Variants in PAPSS2 observed in about 807,000 individuals in gnomAD.
PAPSS2 encodes bifunctional 3'-phosphoadenosine 5'-phosphosulfate synthase 2.
PAPSS2 carries 61 observed loss-of-function variants against 66.5 expected under a neutral mutation model. The observed-to-expected ratio is 0.92, with a 90% CI of 0.75 to 1.14. The LOEUF (loss-of-function observed/expected upper bound fraction) is 1.14, where lower values mean the gene tolerates loss of function less well. PAPSS2 is among the 50% of genes most tolerant of loss of function. PAPSS2 has a pLI of 0.00. For synonymous variants in PAPSS2, 289 were observed against 287.5 expected (o/e 1.01, Z -0.05); for missense variants, 708 against 789.6 (o/e 0.90, Z 1.24).
chr10:87,683,566 T>A (rs1225062885), intron 1 of PAPSS2, among the ~76,000 whole-genome samples: 1 of 152,254 alleles, frequency 6.6e-6, no homozygotes, highest in South Asian at 2.1e-4. Flanking sequence ...CTAGAAATGA[T>A]GATCCTGCAT....
intron 1 of PAPSS2, among the ~76,000 whole-genome samples, chr10:87,688,697 T>G (rs1853123343): frequency 6.6e-6 from 1 of 151,894 alleles, no homozygotes; most frequent in African/African-American, 2.4e-5. Context: ...GACCTCATGA[T>G]CCTCCCGCCT....
In PAPSS2 at chr10:87,717,179, A is replaced by C. The variant is rs748799291; in HGVS notation, c.865+1336A>C. Among the ~76,000 whole-genome samples, 34 of 152,238 alleles carry C rather than the reference A, an allele frequency of 2.2e-4. 1 individual carries two copies. Among genetic ancestry groups the C allele is most frequent in the Admixed American group, 5.9e-4 (9 of 15,282 alleles). Reference sequence around the variant, plus strand: ...TATCTTGGTGTCTTGATTTTGACACATGCTGAACACCGACTGCCTGAAGTA... The same window carrying C: ...TATCTTGGTGTCTTGATTTTGACACCTGCTGAACACCGACTGCCTGAAGTA... On this transcript the variant is annotated intron_variant, in intron 7 of 12. Coordinates refer to ENST00000456849, the MANE Select transcript of PAPSS2 (RefSeq NM_001015880.2).
chr10:87,686,510 C>T (rs1032394287), intron 1 of PAPSS2, among the ~76,000 whole-genome samples: 6 of 152,124 alleles, frequency 3.9e-5, no homozygotes, highest in Non-Finnish European at 5.9e-5. Context: ...CACACCCGCT[C>T]CTGGGATACT....
At chr10:87,743,974 C>T (rs1043610555) in intron 11 of PAPSS2, among the ~76,000 whole-genome samples, 2 of 152,034 alleles carry the variant, frequency 1.3e-5, no homozygotes, top group African/African-American at 4.8e-5. Context: ...TAGTGGCATG[C>T]CCCTGTAATC....
intron 1 of PAPSS2, among the ~76,000 whole-genome samples, chr10:87,667,309 C>T (rs1415476941): frequency 6.6e-6 from 1 of 151,962 alleles, no homozygotes. Context: ...AAAAAATTAG[C>T]CAAGTGTGGT....
At position 87,682,588 on chromosome 10, in the gene PAPSS2, T is replaced by G. The variant is rs1175209570; in HGVS notation, c.27+22580T>G. Reference sequence around the variant, plus strand: ...TAGAGAAAAGTTATGAAGCATGGCATCGAAAGAGGTTAGAAAAAAAAAATT... The same window carrying G: ...TAGAGAAAAGTTATGAAGCATGGCAGCGAAAGAGGTTAGAAAAAAAAAATT... On this transcript the variant is annotated intron_variant, in intron 1 of 12. Coordinates refer to ENST00000456849, the MANE Select transcript of PAPSS2 (RefSeq NM_001015880.2). Among the ~76,000 whole-genome samples the G allele has an allele frequency of 4.6e-5, 7 of 151,792 alleles. No homozygotes were observed. In the East Asian group the frequency reaches 1.3e-3, roughly 29 times the overall value.
intron 9 of PAPSS2, among the ~76,000 whole-genome samples, chr10:87,729,868 T>G (rs1853707088): frequency 6.6e-6 from 1 of 152,016 alleles, no homozygotes; most frequent in South Asian, 2.1e-4. Flanking sequence ...TGGTGGTGCA[T>G]GCCTGTAATC....
At chr10:87,704,318 A>T (rs1358803578) in intron 1 of PAPSS2, among the ~76,000 whole-genome samples, 1 of 152,244 alleles carries the variant, frequency 6.6e-6, no homozygotes, top group Non-Finnish European at 1.5e-5. Context: ...ATTAATTTTG[A>T]ACTGTTTTCG....
At chr10:87,671,729 G>A (rs1371053632) in intron 1 of PAPSS2, among the ~76,000 whole-genome samples, 2 of 152,138 alleles carry the variant, frequency 1.3e-5, no homozygotes, top group African/African-American at 4.8e-5. Context: ...CAGGGAGATT[G>A]TTTTATATAC....
rs1853524194 is a variant in PAPSS2, at chr10:87,715,744, T to G, written c.766T>G (p.Trp256Gly). ...SLSITKLDLQ[W>G]VQVLSEGWAT... ...TTGTGTTTTGCAGCTGGATCTCCAG[T>G]GGGTCCAGGTTTTGAGCGAAGGCTG... Residue 256 changes from tryptophan (W) to glycine (G), a missense_variant, in exon 7 of 13, where the codon TGG becomes GGG. Physicochemically the swap from Trp to Gly is radical, Grantham distance 184. Coordinates refer to ENST00000456849, the MANE Select transcript of PAPSS2 (RefSeq NM_001015880.2). 3.7e-6 allele frequency: 6 copies of G among 1,610,504 alleles called. No homozygotes were observed. The highest frequency in any genetic ancestry group is 4.2e-6 in the Non-Finnish European group (5 of 1,176,852).
rs1395668049 is a variant in PAPSS2, at chr10:87,745,193, C to G, written c.1683C>G (p.Asn561Lys). 7 of 1,613,864 alleles carry G rather than the reference C, an allele frequency of 4.3e-6. No homozygotes were observed. The highest frequency in any genetic ancestry group is 5.9e-6 in the Non-Finnish European group (7 of 1,179,888). Residue 561 changes from asparagine (N) to lysine (K), a missense_variant, in exon 12 of 13, where the codon AAC becomes AAG. Asn to Lys is a moderately conservative substitution (Grantham distance 94). Transcript: ENST00000456849. ...TTCCATTCCGAGTGGCTGCCTACAA[C>G]AAAGCCAAAAAAGCCATGGACTTCT... ...EIIPFRVAAY[N>K]KAKKAMDFYD... is the part of the protein sequence containing the mutation.
chr10:87,714,758 T>C lies in PAPSS2; in HGVS notation c.534T>C (p.Ile178=). The C allele has an allele frequency of 6.3e-7, 1 of 1,598,556 alleles. No homozygotes were observed. The highest frequency in any genetic ancestry group is 8.6e-7 in the Non-Finnish European group (1 of 1,165,928). Reference sequence around the variant, plus strand: ...TATGCTTTGCAGGATTTACAGGTATTGATTCTGATTATGAGAAACCTGAAA... The same window carrying C: ...TATGCTTTGCAGGATTTACAGGTATCGATTCTGATTATGAGAAACCTGAAA... The part of the protein sequence containing the change: ...RAGEIKGFTG[I]DSDYEKPETP... The change falls in exon 5 of 13, where the codon ATT becomes ATC. Residue 178 remains isoleucine (I), a synonymous_variant. Coordinates refer to ENST00000456849, the MANE Select transcript of PAPSS2 (RefSeq NM_001015880.2).
intron 1 of PAPSS2, among the ~76,000 whole-genome samples, chr10:87,670,664 T>G (rs149648816): frequency 3.3e-3 from 498 of 152,246 alleles, no homozygotes; most frequent in Middle Eastern, 0.01. Context: ...AGTCTTTTAC[T>G]GGAGAGGAGC....
At position 87,713,312 on chromosome 10, in the gene PAPSS2, TAAAAAAA is replaced by T. The variant is rs367885911; in HGVS notation, c.381+18_381+24del. 5.4e-4 allele frequency: 310 copies of T among 574,886 alleles called. No homozygotes were observed. The highest frequency in any genetic ancestry group is 2.1e-3 in the South Asian group (97 of 46,096). The allele number at this position is 574,886 out of a possible 1,614,324, so 35.6% of individuals were successfully genotyped here. On this transcript the variant is annotated splice_donor_5th_base_variant and intron_variant, in intron 3 of 12. Coordinates refer to ENST00000456849, the MANE Select transcript of PAPSS2 (RefSeq NM_001015880.2). ...AGCTTTATTTCTCCATTCGCAAAGGTAAAAAAAAAAAAAAAAAAAAAAGGCACTACAC... is the reference window on the plus strand; with the variant it reads ...AGCTTTATTTCTCCATTCGCAAAGGTAAAAAAAAAAAAAAAGGCACTACAC...
chr10:87,699,348 G>T (rs1853273823), intron 1 of PAPSS2, among the ~76,000 whole-genome samples: 1 of 152,204 alleles, frequency 6.6e-6, no homozygotes, highest in African/African-American at 2.4e-5. Context: ...GAGTGCAATG[G>T]TGCATTCATG....
chr10:87,732,811 ACTTGT>A (rs1853745866), intron 9 of PAPSS2, among the ~76,000 whole-genome samples: 1 of 152,070 alleles, frequency 6.6e-6, no homozygotes. Context: ...TGGTGGCATG[ACTTGT>A]GTCTTTGACA....
Position 87,746,992 on chromosome 10 carries a change from G to A in PAPSS2, c.*1022G>A, listed in dbSNP as rs919906056. 1 of 152,132 alleles carries A rather than the reference G, an allele frequency of 6.6e-6. No homozygotes were observed. Among genetic ancestry groups the A allele is most frequent in the African/African-American group, 2.4e-5 (1 of 41,432 alleles). 9.4% of individuals were successfully genotyped at this position (152,132 alleles called of 1,614,324 possible). On this transcript the variant is annotated 3_prime_UTR_variant, in exon 13 of 13. Transcript: ENST00000456849. The stretch of plus-strand genomic sequence containing the variant: ...AATTTGCCATTATTAGGAAGTGCTG[G>A]TGGCAGTGAAGAAGCACCCAGGCCA...
chr10:87,740,626 T>G (rs1853856879), intron 9 of PAPSS2, among the ~76,000 whole-genome samples: 1 of 152,206 alleles, frequency 6.6e-6, no homozygotes, highest in African/African-American at 2.4e-5. Flanking sequence ...AAACTGACAC[T>G]TGTTGAGTTT....
At chr10:87,725,073 C>G (rs1853643079) in intron 8 of PAPSS2, among the ~76,000 whole-genome samples, 1 of 151,988 alleles carries the variant, frequency 6.6e-6, no homozygotes, top group African/African-American at 2.4e-5. Context: ...TTGGATGAGG[C>G]CCACTCACAT....
Sources: allele counts gnomAD v4.1 joint callset (sites outside exome capture counted in the v4.1 genomes callset), GRCh38; gene constraint gnomAD v4.1.1; transcripts MANE v1.5; gene names NCBI Gene and HGNC (gene_info 2026-07-23, HGNC 2026-07-21).